ELSPBP1: variants seen among roughly 807,000 people sequenced by gnomAD.
ELSPBP1 encodes the protein epididymal sperm-binding protein 1.
A neutral mutation model predicts 33.3 loss-of-function variants in ELSPBP1; 38 were observed. The ratio of observed to expected loss-of-function variants is 1.14; its 90% CI spans 0.88 to 1.50. The LOEUF is 1.50. Among genes scored for constraint, ELSPBP1 ranks in the 40% most tolerant of loss-of-function variants. ELSPBP1 has a pLI of 0.00. For missense variants in ELSPBP1, 267 were observed against 263.5 expected, an observed-to-expected ratio of 1.01 and a Z score of -0.09; for synonymous variants, 85 against 94.1, an observed-to-expected ratio of 0.90 and a Z score of 0.56.
chr19:48,016,570 CCCTT>C (rs1244493099), intron 4 of ELSPBP1, among the ~76,000 whole-genome samples: 1 of 93,690 alleles, frequency 1.1e-5, no homozygotes, highest in African/African-American at 4.3e-5. Flanking sequence ...CTTCCTTCCT[CCCTT>C]CATCTCTCTC....
In ELSPBP1 at chr19:48,019,886, G is replaced by A; in HGVS notation, c.514+9G>A. On this transcript the variant is annotated intron_variant, in intron 5 of 6. Coordinates refer to ENST00000339841, the MANE Select transcript of ELSPBP1 (RefSeq NM_022142.5). ...TTTCTGTGCCGACACCAGTAATCTG[G>A]GGATGGGGGTTGGGTGGGTGTGGGT... 3 of 1,612,630 alleles carry A rather than the reference G, an allele frequency of 1.9e-6. No homozygotes were observed. The highest frequency in any genetic ancestry group is 2.5e-6 in the Non-Finnish European group (3 of 1,179,326).
chr19:48,017,233 G>C (rs10415184), intron 4 of ELSPBP1, among the ~76,000 whole-genome samples: 25,253 of 152,094 alleles, frequency 0.17, 2,158 homozygotes, highest in South Asian at 0.23. Flanking sequence ...TGTGAAGGCA[G>C]TTATTCGTAG....
chr19:48,003,352 A>T (rs1966985292), intron 1 of ELSPBP1, among the ~76,000 whole-genome samples: 1 of 152,058 alleles, frequency 6.6e-6, no homozygotes, highest in African/African-American at 2.4e-5. Flanking sequence ...GGGTCAAGGG[A>T]TCATCCCAGG....
At chr19:48,020,855 C>G (rs962603252) in intron 5 of ELSPBP1, among the ~76,000 whole-genome samples, 1 of 152,170 alleles carries the variant, frequency 6.6e-6, no homozygotes, top group Non-Finnish European at 1.5e-5. Flanking sequence ...CAAAGAGGAA[C>G]TAGAAGGAGT....
At chr19:48,016,457 TTTCTTTCCTTC>T in intron 4 of ELSPBP1, among the ~76,000 whole-genome samples, 1 of 30,890 alleles carries the variant, frequency 3.2e-5, no homozygotes, top group South Asian at 1.3e-3. Flanking sequence ...TTCTCTTTCT[TTTCTTTCCTTC>T]TTTCTTTCTT....
At chr19:48,006,245 C>T (rs763175700) in intron 1 of ELSPBP1, among the ~76,000 whole-genome samples, 12 of 152,170 alleles carry the variant, frequency 7.9e-5, no homozygotes, top group South Asian at 2.1e-4. Flanking sequence ...TTATGATTGT[C>T]GTTAATCATC....
At chr19:48,019,659 A>G (rs1967177471) in intron 4 of ELSPBP1, 60 bp from the exon 5 acceptor site, 1 of 1,536,442 alleles carries the variant, frequency 6.5e-7, no homozygotes, top group Non-Finnish European at 8.9e-7. Context: ...TGTGTGTCAT[A>G]AATGGAAGCT....
chr19:48,023,506 A>G (rs909498219), intron 6 of ELSPBP1, among the ~76,000 whole-genome samples: 4 of 37,234 alleles, frequency 1.1e-4, no homozygotes, highest in Non-Finnish European at 3.7e-4. Context: ...GAAGGAAAAG[A>G]GGAAGGAAAT....
intron 1 of ELSPBP1, among the ~76,000 whole-genome samples, chr19:47,996,207 A>G (rs565529092): frequency 1.3e-5 from 2 of 152,292 alleles, no homozygotes; most frequent in East Asian, 3.9e-4. Context: ...GAATGGATGA[A>G]CAGTGAAAGA....
intron 1 of ELSPBP1, among the ~76,000 whole-genome samples, chr19:48,000,641 A>G (rs1179506438): frequency 6.6e-6 from 1 of 152,176 alleles, no homozygotes; most frequent in Admixed American, 6.5e-5. Flanking sequence ...AAATTCGTAT[A>G]CAGGCTACCC....
intron 1 of ELSPBP1, among the ~76,000 whole-genome samples, chr19:48,007,887 G>A (rs561683228): frequency 6.6e-6 from 1 of 152,166 alleles, no homozygotes; most frequent in Non-Finnish European, 1.5e-5. Flanking sequence ...ATTTATGAAA[G>A]CCAAGTGACA....
chr19:48,006,868 C>T (rs1376972231), intron 1 of ELSPBP1, among the ~76,000 whole-genome samples: 1 of 151,894 alleles, frequency 6.6e-6, no homozygotes, highest in Non-Finnish European at 1.5e-5. Flanking sequence ...TAAAAGGCTT[C>T]AAGGAAGAAC....
chr19:48,008,458 C>T (rs1177565368), intron 1 of ELSPBP1, among the ~76,000 whole-genome samples, 193 bp from the exon 2 acceptor site: 2 of 152,236 alleles, frequency 1.3e-5, no homozygotes, highest in African/African-American at 2.4e-5. Flanking sequence ...TGGTCTTGAA[C>T]TTCTGGCTTT....
chr19:47,999,217 C>T lies in ELSPBP1; in HGVS notation c.-18+4406C>T, dbSNP rs769286453. Reference sequence around the variant, plus strand: ...TTTTTTTCATTGCACTTTTCATATTCTGAAATGATTTTGGTTTTGGTTACT... The same window carrying T: ...TTTTTTTCATTGCACTTTTCATATTTTGAAATGATTTTGGTTTTGGTTACT... On this transcript the variant is annotated intron_variant, in intron 1 of 6. Coordinates refer to ENST00000339841, the MANE Select transcript of ELSPBP1 (RefSeq NM_022142.5). 9.5e-4 allele frequency among the ~76,000 whole-genome samples: 145 copies of T among 152,136 alleles called. No homozygotes were observed. In the Middle Eastern group the frequency reaches 0.017, roughly 18 times the overall value.
At chr19:48,003,508 G>C (rs1966986676) in intron 1 of ELSPBP1, among the ~76,000 whole-genome samples, 2 of 151,144 alleles carry the variant, frequency 1.3e-5, no homozygotes, top group East Asian at 3.9e-4. Context: ...AGGTGATGGA[G>C]GATTTTGAAT....
intron 1 of ELSPBP1, among the ~76,000 whole-genome samples, chr19:47,995,469 G>A (rs527692798): frequency 2.0e-5 from 3 of 152,232 alleles, no homozygotes; most frequent in African/African-American, 7.2e-5. Context: ...TTTCTCCAAG[G>A]TAAGGCTTAC....
chr19:48,023,535 G>GT, intron 6 of ELSPBP1, among the ~76,000 whole-genome samples: 1 of 59,676 alleles, frequency 1.7e-5, no homozygotes, highest in East Asian at 1.1e-3. Flanking sequence ...AAGGGAGGAA[G>GT]GAAAGAAGGA....
chr19:48,022,440 T>C (rs1967212184), intron 6 of ELSPBP1, 106 bp downstream of exon 6: 1 of 1,064,634 alleles, frequency 9.4e-7, no homozygotes, highest in Non-Finnish European at 1.3e-6. Flanking sequence ...TTCAAGCGTG[T>C]CTGATTAGCG....
chr19:48,004,489 T>A (rs977071791), intron 1 of ELSPBP1, among the ~76,000 whole-genome samples: 3 of 152,156 alleles, frequency 2.0e-5, no homozygotes, highest in African/African-American at 7.2e-5. Flanking sequence ...CACTTGCTCC[T>A]TGAGCACATC....
Sources: gnomAD v4.1 joint callset for allele counts (sites outside exome capture counted in the v4.1 genomes callset) on GRCh38, gnomAD v4.1.1 for gene constraint, MANE v1.5 for transcripts, NCBI Gene and HGNC (gene_info 2026-07-23, HGNC 2026-07-21) for gene names.